Variants in RFX4 observed in about 807,000 individuals in gnomAD.
The protein encoded by RFX4 is regulatory factor X4.
In RFX4, 10 loss-of-function variants were observed where a neutral mutation model predicts 95.0. The ratio of observed to expected loss-of-function variants is 0.11; its 90% CI spans 0.06 to 0.18. The LOEUF is 0.18. Among genes scored for constraint, RFX4 ranks in the 10% least tolerant of loss-of-function variants. The pLI is 1.00. For synonymous variants in RFX4, 321 were observed against 340.7 expected, an observed-to-expected ratio of 0.94 and a Z score of 0.64; for missense variants, 640 against 922.0, an observed-to-expected ratio of 0.69 and a Z score of 3.96.
chr12:106,694,757 CG>C (rs2041847021), intron 7 of RFX4, among the ~76,000 whole-genome samples: 1 of 152,102 alleles, frequency 6.6e-6, no homozygotes. Flanking sequence ...AAGCTAATGG[CG>C]GCCAGGCGGT....
chr12:106,656,453 C>T (rs966855188), intron 4 of RFX4, among the ~76,000 whole-genome samples: 2 of 152,138 alleles, frequency 1.3e-5, no homozygotes, highest in African/African-American at 2.4e-5. Context: ...CACAAGACAG[C>T]CCACAGGAAG....
At chr12:106,611,819 CT>C (rs1209427513) in intron 2 of RFX4, among the ~76,000 whole-genome samples, 6 of 152,124 alleles carry the variant, frequency 3.9e-5, no homozygotes, top group Non-Finnish European at 8.8e-5. Context: ...TGTAGTCCAG[CT>C]TTATTCTTTC....
At chr12:106,621,724 A>G (rs577628764) in intron 2 of RFX4, among the ~76,000 whole-genome samples, 1 of 152,308 alleles carries the variant, frequency 6.6e-6, no homozygotes, top group East Asian at 1.9e-4. Context: ...CTACTCTGTC[A>G]TCCCCAAACT....
intron 1 of RFX4, among the ~76,000 whole-genome samples, chr12:106,595,752 A>T (rs887842137): frequency 1.3e-5 from 2 of 152,218 alleles, no homozygotes; most frequent in East Asian, 1.9e-4. Flanking sequence ...TTTGTATAGC[A>T]TGTTACAGTC....
chr12:106,653,130 A>G (rs2040887308), intron 3 of RFX4, among the ~76,000 whole-genome samples: 1 of 152,204 alleles, frequency 6.6e-6, no homozygotes, highest in Admixed American at 6.5e-5. Flanking sequence ...GTCTTGTGCC[A>G]CAGCAGTTTT....
chr12:106,589,747 TGA>T (rs2039511750), intron 1 of RFX4, among the ~76,000 whole-genome samples: 1 of 152,196 alleles, frequency 6.6e-6, no homozygotes, highest in Non-Finnish European at 1.5e-5. Flanking sequence ...AACAGATGGA[TGA>T]GAGTGGAGAA....
rs1259926938 is a variant in RFX4 at position 106,622,872 on chromosome 12, G to A, written c.130+13989G>A. 4.0e-5 allele frequency among the ~76,000 whole-genome samples: 6 copies of A among 151,886 alleles called. No homozygotes were observed. The South Asian group carries it at 1.0e-3, about 26-fold the overall frequency. ...TTGACCTCGGTGATCTGCCTGCCTC[G>A]GCCTCCCAAAGTGCTGGGATTACAG... On this transcript the variant is annotated intron_variant, in intron 2 of 17. Coordinates refer to ENST00000392842, the MANE Select transcript of RFX4 (RefSeq NM_213594.3).
At chr12:106,609,565 A>G (rs1054291473) in intron 2 of RFX4, among the ~76,000 whole-genome samples, 7 of 152,210 alleles carry the variant, frequency 4.6e-5, no homozygotes, top group Non-Finnish European at 7.3e-5. Flanking sequence ...TTCTGAAAGC[A>G]TGAGCCCCGG....
intron 4 of RFX4, among the ~76,000 whole-genome samples, chr12:106,679,341 G>C (rs1386733595): frequency 2.0e-5 from 3 of 152,168 alleles, no homozygotes; most frequent in Admixed American, 1.3e-4. Flanking sequence ...TGTAGTCCCA[G>C]CTACTTGGTA....
At chr12:106,628,713 C>T (rs1428514298) in intron 2 of RFX4, among the ~76,000 whole-genome samples, 3 of 151,756 alleles carry the variant, frequency 2.0e-5, no homozygotes, top group Admixed American at 6.6e-5. Flanking sequence ...GTTACTTACA[C>T]GTTCTTCGAG....
chr12:106,652,832 G>A lies in RFX4; in HGVS notation c.192-1396G>A, dbSNP rs148676584. Among the ~76,000 whole-genome samples the A allele has an allele frequency of 1.2e-3, 180 of 152,210 alleles. 2 individuals are homozygous for A. The East Asian group carries it at 0.025, about 21-fold the overall frequency. ...CGTGTCCTCATTCCACTTCACTTAC[G>A]ACAGCGCTGGGCCACTTCTTTGGCA... is the stretch of plus-strand genomic sequence containing the variant. On this transcript the variant is annotated intron_variant, in intron 3 of 17. Transcript: ENST00000392842.
intron 2 of RFX4, among the ~76,000 whole-genome samples, chr12:106,624,666 G>A (rs879374860): frequency 5.3e-5 from 8 of 152,040 alleles, no homozygotes; most frequent in African/African-American, 1.7e-4. Context: ...TGGGCGGGGC[G>A]GAGGGGGGAA....
intron 3 of RFX4, among the ~76,000 whole-genome samples, chr12:106,648,543 A>T (rs973066579): frequency 6.7e-6 from 1 of 149,116 alleles, no homozygotes. Context: ...AACTTCAGTG[A>T]TAAGTTAAAA....
chr12:106,723,732 C>T (rs1387047290), intron 13 of RFX4, among the ~76,000 whole-genome samples: 1 of 152,176 alleles, frequency 6.6e-6, no homozygotes, highest in Non-Finnish European at 1.5e-5. Context: ...CCTGGCCCAG[C>T]TCTCTTTTAG....
At chr12:106,730,598 C>A (rs902112714) in intron 13 of RFX4, among the ~76,000 whole-genome samples, 3 of 152,028 alleles carry the variant, frequency 2.0e-5, no homozygotes, top group Non-Finnish European at 4.4e-5. Context: ...GTTTTTGGTA[C>A]AGAGTAAACA....
chr12:106,644,721 CA>C (rs1298727099), intron 3 of RFX4, among the ~76,000 whole-genome samples: 2 of 152,190 alleles, frequency 1.3e-5, no homozygotes, highest in African/African-American at 4.8e-5. Flanking sequence ...AATTACCCAT[CA>C]AATGGCTTTA....
intron 7 of RFX4, 102 bp from the exon 8 acceptor site, chr12:106,696,181 G>T: frequency 7.4e-7 from 1 of 1,349,644 alleles, no homozygotes; most frequent in Non-Finnish European, 1.0e-6. Flanking sequence ...AGGGGAAGTA[G>T]ATGACAGCAT....
intron 15 of RFX4, among the ~76,000 whole-genome samples, chr12:106,741,254 C>A (rs1025477695): frequency 6.6e-6 from 1 of 152,038 alleles, no homozygotes. Context: ...GGCACTCCAG[C>A]CTGCATGACA....
At chr12:106,685,880 C>A (rs560038818) in intron 5 of RFX4, among the ~76,000 whole-genome samples, 3 of 152,266 alleles carry the variant, frequency 2.0e-5, no homozygotes, top group African/African-American at 7.2e-5. Context: ...ATGCAAAGTC[C>A]TTTGCAAACT....
Sources: allele counts gnomAD v4.1 joint callset (sites outside exome capture counted in the v4.1 genomes callset), GRCh38; gene constraint gnomAD v4.1.1; transcripts MANE v1.5; gene names NCBI Gene and HGNC (gene_info 2026-07-23, HGNC 2026-07-21).